GMEB2: variants seen among roughly 807,000 people sequenced by gnomAD.
The protein encoded by GMEB2 is glucocorticoid modulatory element-binding protein 2.
GMEB2 carries 7 observed loss-of-function variants against 45.7 expected under a neutral mutation model. The observed-to-expected ratio is 0.15, with a 90% CI of 0.09 to 0.29. The LOEUF (loss-of-function observed/expected upper bound fraction) is 0.29. GMEB2 is among the 10% of genes least tolerant of loss of function. GMEB2 has a pLI of 1.00. For synonymous variants in GMEB2, 322 were observed against 323.6 expected, an observed-to-expected ratio of 1.00 and a Z score of 0.05; for missense variants, 582 against 739.2, an observed-to-expected ratio of 0.79 and a Z score of 2.47.
In GMEB2 at chr20:63,592,635, C is replaced by T. The variant is rs144182072; in HGVS notation, c.727G>A (p.Ala243Thr). The part of the protein sequence containing the change: ...TFTFWRGLKD[A>T]GLLDEVIQEF... Reference sequence around the variant, plus strand: ...TGGATGACCTCGTCCAGCAGGCCGGCGTCCTTCAGCCCCCGCCAGAAGGTA... The same window carrying T: ...TGGATGACCTCGTCCAGCAGGCCGGTGTCCTTCAGCCCCCGCCAGAAGGTA... Residue 243 changes from alanine to threonine, a missense_variant, in exon 8 of 10, where the codon GCC becomes ACC. Physicochemically the swap from Ala to Thr is moderately conservative, Grantham distance 58 (BLOSUM62 0). Coordinates refer to ENST00000370077, the MANE Select transcript of GMEB2 (RefSeq NM_012384.5). This position sits in a 1 kb window ranked among gnomAD's most constrained non-coding sequence, Gnocchi z 8.2. 27 of 1,612,498 alleles carry T rather than the reference C, an allele frequency of 1.7e-5. No homozygotes were observed. The highest frequency in any genetic ancestry group is 9.3e-5 in the African/African-American group (7 of 75,012).
intron 3 of GMEB2, among the ~76,000 whole-genome samples, chr20:63,604,054 A>AG (rs1491110327): frequency 4.2e-5 from 2 of 47,764 alleles, no homozygotes; most frequent in Non-Finnish European, 1.4e-4. Context: ...ACTCCGTCTC[A>AG]AAAAAAAAAA....
At position 63,619,116 on chromosome 20, in the gene GMEB2, T is replaced by C; in HGVS notation, c.131+151A>G. Reference sequence around the variant, plus strand: ...GTGCCATTTCTGCTTTTCTTCGCTCTCTACTTACACACACATTTGAGTCCA... The same window carrying C: ...GTGCCATTTCTGCTTTTCTTCGCTCCCTACTTACACACACATTTGAGTCCA... On this transcript the variant is annotated intron_variant, in intron 2 of 9. Transcript: ENST00000370077. This position sits in a 1 kb window ranked among gnomAD's most constrained non-coding sequence, Gnocchi z 4.6. The C allele has an allele frequency of 1.5e-6, 1 of 680,506 alleles. No individual in the cohort carries two copies. The allele number at this position is 680,506 out of a possible 1,614,324, so 42.2% of individuals were successfully genotyped here.
chr20:63,601,424 C>T (rs992396381), intron 4 of GMEB2, among the ~76,000 whole-genome samples: 1 of 152,228 alleles, frequency 6.6e-6, no homozygotes, highest in Admixed American at 6.5e-5. Context: ...TCCTACTTCT[C>T]TCTTCAGCTA....
At position 63,590,650 on chromosome 20, in the gene GMEB2, G is replaced by A. The variant is rs1476115034; in HGVS notation, c.1032C>T (p.Leu344=). 3 of 1,580,834 alleles carry A rather than the reference G, an allele frequency of 1.9e-6. No individual in the cohort carries two copies. The highest frequency in any genetic ancestry group is 2.3e-5 in the South Asian group (2 of 86,702). ...KHKSQHLSNV[L]MTLTPVSLPP... is the part of the protein sequence containing the mutation. ...GCAGGGAGACCGGCGTCAGCGTCATGAGCACGTTGCTGAGGTGCTGGGACT... is the reference window on the plus strand; with the variant it reads ...GCAGGGAGACCGGCGTCAGCGTCATAAGCACGTTGCTGAGGTGCTGGGACT... Residue 344 remains leucine (L), a synonymous_variant, in exon 10 of 10, where the codon CTC becomes CTT. Coordinates refer to ENST00000370077, the MANE Select transcript of GMEB2 (RefSeq NM_012384.5).
chr20:63,616,225 C>G (rs1446295014), intron 2 of GMEB2, among the ~76,000 whole-genome samples: 2 of 152,124 alleles, frequency 1.3e-5, no homozygotes, highest in African/African-American at 4.8e-5. Flanking sequence ...AGGCAGATCA[C>G]CTAAGGTCAG....
In GMEB2 at chr20:63,588,083, G is replaced by A. The variant is rs1223542281; in HGVS notation, c.*2006C>T. On this transcript the variant is annotated 3_prime_UTR_variant, in exon 10 of 10. Transcript: ENST00000370077. ...GGGAAGCACTGGGAATGGGCTCCCA[G>A]CCCTGGTGGAATGGGGGATTGGGAA... 6.6e-6 allele frequency: 1 copy of A among 152,434 alleles called. No homozygotes were observed. The highest frequency in any genetic ancestry group is 2.4e-5 in the African/African-American group (1 of 41,470). The allele number at this position is 152,434 out of a possible 1,614,324, so 9.4% of individuals were successfully genotyped here. A position where few individuals can be genotyped will look rare whatever the true frequency, so the allele number is the denominator to read the frequency against.
chr20:63,588,876 TCTTC>T lies in GMEB2; in HGVS notation c.*1209_*1212del, dbSNP rs2083117843. On this transcript the variant is annotated 3_prime_UTR_variant, in exon 10 of 10. Coordinates refer to ENST00000370077, the MANE Select transcript of GMEB2 (RefSeq NM_012384.5). Reference sequence around the variant, plus strand: ...CTGGCCTGGAGGGGCCTCAGCCTGGTCTTCCTTGTGAGTCCAAGGCCAGGTCTCA... The same window carrying T: ...CTGGCCTGGAGGGGCCTCAGCCTGGTCTTGTGAGTCCAAGGCCAGGTCTCA... The T allele has an allele frequency of 2.5e-6, 1 of 398,438 alleles. No homozygotes were observed. Among genetic ancestry groups the T allele is most frequent in the Non-Finnish European group, 4.4e-6 (1 of 226,086 alleles). The allele number at this position is 398,438 out of a possible 1,614,324, so 24.7% of individuals were successfully genotyped here. A position where few individuals can be genotyped will look rare whatever the true frequency, so the allele number is the denominator to read the frequency against.
chr20:63,598,006 T>C (rs939596932), intron 4 of GMEB2, 146 bp from the exon 5 acceptor site: 5 of 611,368 alleles, frequency 8.2e-6, no homozygotes, highest in Non-Finnish European at 1.5e-5. Flanking sequence ...CTACAGAGCA[T>C]TCAGGTAAAA....
rs201568990 is a variant in GMEB2 at position 63,597,855 on chromosome 20, G to C, written c.363C>G (p.Asp121Glu). 10 of 1,584,962 alleles carry C rather than the reference G, an allele frequency of 6.3e-6. No individual in the cohort carries two copies. The highest frequency in any genetic ancestry group is 8.7e-6 in the Non-Finnish European group (10 of 1,153,700). Residue 121 changes from aspartate to glutamate, a missense_variant, in exon 5 of 10, where the codon GAC becomes GAG. By Grantham distance (45) the Asp-to-Glu change is conservative. This residue lies in a region of GMEB2 where 462 missense variants were observed against 586.7 expected (regional missense o/e 0.79). Transcript: ENST00000370077. ...ATTCCTTTGGGCTGATTACATGCTCGTCGTACTGTGGGGGACACAGTCATG... is the reference window on the plus strand; with the variant it reads ...ATTCCTTTGGGCTGATTACATGCTCCTCGTACTGTGGGGGACACAGTCATG... ...PGINVKCVQY[D>E]EHVISPKEFV...
At chr20:63,606,275 T>TA (rs1390027210) in intron 2 of GMEB2, among the ~76,000 whole-genome samples, 15 of 147,888 alleles carry the variant, frequency 1.0e-4, no homozygotes, top group Admixed American at 6.0e-4. Context: ...AACCAAGAAA[T>TA]AAAAAAAGAT....
At chr20:63,613,752 T>C (rs1349209427) in intron 2 of GMEB2, among the ~76,000 whole-genome samples, 1 of 152,164 alleles carries the variant, frequency 6.6e-6, no homozygotes, top group African/African-American at 2.4e-5. Flanking sequence ...TGACAAGTGA[T>C]CCACCCACCC....
intron 2 of GMEB2, among the ~76,000 whole-genome samples, chr20:63,615,243 T>C (rs1250883287): frequency 1.3e-5 from 2 of 152,174 alleles, no homozygotes; most frequent in Non-Finnish European, 2.9e-5. Flanking sequence ...GACATGCTAA[T>C]GGGCAATATG....
In GMEB2 at chr20:63,619,391, T is replaced by C; in HGVS notation, c.7A>G (p.Thr3Ala). The C allele has an allele frequency of 6.2e-7, 1 of 1,609,428 alleles. No individual in the cohort carries two copies. Among genetic ancestry groups the C allele is most frequent in the Non-Finnish European group, 8.5e-7 (1 of 1,179,244 alleles). The stretch of plus-strand genomic sequence containing the variant: ...TCCATGTGCACACTCACGTCGGGAG[T>C]CGCCATGGCTCAGCGGAAGGGGACG... The part of the protein sequence containing the change: MA[T>A]PDVSVHMEEV... The change falls in exon 2 of 10, where the codon ACT becomes GCT. Residue 3 changes from threonine (T) to alanine (A), a missense_variant. Transcript: ENST00000370077. The surrounding 1 kb of genome is among the most constrained non-coding windows in gnomAD (Gnocchi z 4.6).
rs1304927165 is a variant in GMEB2 at position 63,588,964 on chromosome 20, T to C, written c.*1125A>G. On this transcript the variant is annotated 3_prime_UTR_variant, in exon 10 of 10. Coordinates refer to ENST00000370077, the MANE Select transcript of GMEB2 (RefSeq NM_012384.5). The stretch of plus-strand genomic sequence containing the variant: ...TGGGCTCCACCTTCGGCAGCTGCCC[T>C]GAGCAGCCCACCCGGGGCAGCCTCC... 4 of 398,780 alleles carry C rather than the reference T, an allele frequency of 1.0e-5. No individual in the cohort carries two copies. Among genetic ancestry groups the C allele is most frequent in the Non-Finnish European group, 1.3e-5 (3 of 226,282 alleles). The allele number at this position is 398,780 out of a possible 1,614,324, so 24.7% of individuals were successfully genotyped here.
chr20:63,622,716 T>C (rs2089648025), intron 1 of GMEB2, among the ~76,000 whole-genome samples: 1 of 152,048 alleles, frequency 6.6e-6, no homozygotes, highest in Admixed American at 6.6e-5. Flanking sequence ...CAATCGCAAA[T>C]GGCAGCCAGT....
At chr20:63,616,874 C>T (rs1011196567) in intron 2 of GMEB2, among the ~76,000 whole-genome samples, 1 of 152,174 alleles carries the variant, frequency 6.6e-6, no homozygotes, top group African/African-American at 2.4e-5. Context: ...TGTTGAAGGC[C>T]TCATCCCCAG....
In GMEB2 at chr20:63,592,701, G is replaced by T; in HGVS notation, c.692-31C>A. ...AGGGAAGGAGTGGGTTCAGTGGGCA[G>T]GGAAAGTGCTGCTACACGGGGCAGC... On this transcript the variant is annotated intron_variant, in intron 7 of 9. Coordinates refer to ENST00000370077, the MANE Select transcript of GMEB2 (RefSeq NM_012384.5). The surrounding 1 kb of genome is among the most constrained non-coding windows in gnomAD (Gnocchi z 8.2). The T allele has an allele frequency of 1.2e-6, 2 of 1,602,254 alleles. No homozygotes were observed. Among genetic ancestry groups the T allele is most frequent in the South Asian group, 2.2e-5 (2 of 90,864 alleles).
rs1239184391 is a variant in GMEB2 at position 63,590,043 on chromosome 20, GAGAC to G, written c.*42_*45del. The G allele has an allele frequency of 1.4e-6, 2 of 1,467,584 alleles. No individual in the cohort carries two copies. The highest frequency in any genetic ancestry group is 2.8e-5 in the African/African-American group (2 of 70,420). 90.9% of individuals were successfully genotyped at this position (1,467,584 alleles called of 1,614,324 possible). A position where few individuals can be genotyped will look rare whatever the true frequency, so the allele number is the denominator to read the frequency against. On this transcript the variant is annotated 3_prime_UTR_variant, in exon 10 of 10. Transcript: ENST00000370077. Reference sequence around the variant, plus strand: ...GCCCGCTCCCTGCTGCCGCGGCTGAGAGACAGCCAGCCCTGTCCGTCCCAGGGGC... The same window carrying G: ...GCCCGCTCCCTGCTGCCGCGGCTGAGAGCCAGCCCTGTCCGTCCCAGGGGC...
chr20:63,593,359 C>T lies in GMEB2; in HGVS notation c.620-277G>A, dbSNP rs1266313419. Among the ~76,000 whole-genome samples, 1 of 152,108 alleles carries T rather than the reference C, an allele frequency of 6.6e-6. No individual in the cohort carries two copies. Among genetic ancestry groups the T allele is most frequent in the Non-Finnish European group, 1.5e-5 (1 of 68,034 alleles). ...AATTTCAGCAAATCCTCAACACTTT[C>T]CTCCTCTTGTCCATTTACGATTGTA... On this transcript the variant is annotated intron_variant, in intron 6 of 9. Coordinates refer to ENST00000370077, the MANE Select transcript of GMEB2 (RefSeq NM_012384.5). The surrounding 1 kb of genome is among the most constrained non-coding windows in gnomAD (Gnocchi z 4.7).
Sources: gnomAD v4.1 joint callset for allele counts (sites outside exome capture counted in the v4.1 genomes callset) on GRCh38, gnomAD v4.1.1 for gene constraint, gnomAD v4.1.1 regional missense constraint, Gnocchi (gnomAD v3.1) non-coding constraint, MANE v1.5 for transcripts, NCBI Gene and HGNC (gene_info 2026-07-23, HGNC 2026-07-21) for gene names.